COL5A2: variants seen among roughly 807,000 people sequenced by gnomAD.
COL5A2 encodes the protein collagen alpha-2(V) chain.
COL5A2 carries 23 observed loss-of-function variants against 208.2 expected under a neutral mutation model. That is an observed-to-expected ratio of 0.11 (90% CI 0.08 to 0.16). COL5A2 has a LOEUF of 0.16. Ranked by LOEUF, COL5A2 falls within the 10% of genes least tolerant of loss-of-function variation. The pLI is 1.00. For missense variants in COL5A2, 1,590 were observed against 1,956.4 expected (o/e 0.81, Z 3.53); for synonymous variants, 625 against 628.5 (o/e 0.99, Z 0.08).
At chr2:189,296,287 T>C in the COL5A2 span, among the ~76,000 whole-genome samples, 1 of 152,156 alleles carries the variant, frequency 6.6e-6, no homozygotes, top group African/African-American at 2.4e-5. Flanking sequence ...TGGTTTTTTG[T>C]TTGTTTTTTT....
chr2:189,163,072 T>C (rs1244731009), intron 1 of COL5A2, among the ~76,000 whole-genome samples: 1 of 152,094 alleles, frequency 6.6e-6, no homozygotes, highest in Non-Finnish European at 1.5e-5. Flanking sequence ...AGAACAAATA[T>C]GATCTACTCC....
chr2:189,333,038 C>T, the COL5A2 span, among the ~76,000 whole-genome samples: 1 of 152,112 alleles, frequency 6.6e-6, no homozygotes, highest in Non-Finnish European at 1.5e-5. Flanking sequence ...TACAACACAT[C>T]AGTGTTTTAC....
chr2:189,296,233 T>G, the COL5A2 span, among the ~76,000 whole-genome samples: 1 of 152,166 alleles, frequency 6.6e-6, no homozygotes, highest in Non-Finnish European at 1.5e-5. Context: ...TGAAAAAAAT[T>G]TTTAAGTTTT....
intron 1 of COL5A2, among the ~76,000 whole-genome samples, chr2:189,133,626 T>A (rs1687769474): frequency 6.6e-6 from 1 of 152,054 alleles, no homozygotes; most frequent in Non-Finnish European, 1.5e-5. Flanking sequence ...CGGAATGAAC[T>A]AAGAGCGTCA....
chr2:189,293,396 C>T, the COL5A2 span, among the ~76,000 whole-genome samples: 1 of 152,096 alleles, frequency 6.6e-6, no homozygotes, highest in Non-Finnish European at 1.5e-5. Flanking sequence ...TTAACTTTTC[C>T]CTCAGCTAGG....
At chr2:189,156,381 C>CTA (rs1457543182) in intron 1 of COL5A2, among the ~76,000 whole-genome samples, 1 of 152,020 alleles carries the variant, frequency 6.6e-6, no homozygotes, top group Non-Finnish European at 1.5e-5. Flanking sequence ...TTGATATATA[C>CTA]TGACAACTGC....
the COL5A2 span, among the ~76,000 whole-genome samples, chr2:189,349,555 T>C: frequency 6.6e-6 from 1 of 152,148 alleles, no homozygotes; most frequent in African/African-American, 2.4e-5. Flanking sequence ...ATGGTGATGG[T>C]TTATAAGTAA....
At chr2:189,241,084 C>A in the COL5A2 span, among the ~76,000 whole-genome samples, 3 of 152,092 alleles carry the variant, frequency 2.0e-5, no homozygotes, top group African/African-American at 7.2e-5. Flanking sequence ...CATCTTCAAT[C>A]TTCTATAATG....
chr2:189,351,238 C>T, the COL5A2 span, among the ~76,000 whole-genome samples: 11 of 152,214 alleles, frequency 7.2e-5, no homozygotes, highest in Non-Finnish European at 1.0e-4. Context: ...CTATACAAAT[C>T]ATCAACTCAC....
At chr2:189,107,002 A>T (rs186635013) in intron 2 of COL5A2, among the ~76,000 whole-genome samples, 89 of 151,620 alleles carry the variant, frequency 5.9e-4, no homozygotes, top group African/African-American at 2.1e-3. Context: ...TGTAAAAAAA[A>T]TTTATGAGAT....
At chr2:189,098,041 C>G (rs1440430542) in intron 5 of COL5A2, among the ~76,000 whole-genome samples, 3 of 152,028 alleles carry the variant, frequency 2.0e-5, no homozygotes, top group South Asian at 2.1e-4. Flanking sequence ...TTTTTCCCCC[C>G]CTGGGAAATG....
At chr2:189,164,430 T>C (rs1293779958) in intron 1 of COL5A2, among the ~76,000 whole-genome samples, 1 of 152,076 alleles carries the variant, frequency 6.6e-6, no homozygotes, top group East Asian at 1.9e-4. Context: ...TAATTCCTAT[T>C]CTGGGGCTTT....
intron 1 of COL5A2, among the ~76,000 whole-genome samples, chr2:189,208,683 A>T (rs1689172302): frequency 6.6e-6 from 1 of 152,212 alleles, no homozygotes; most frequent in Non-Finnish European, 1.5e-5. Context: ...AGGCAATGAG[A>T]AGCCACTGGA....
At chr2:189,386,570 C>G in the COL5A2 span, among the ~76,000 whole-genome samples, 1 of 152,034 alleles carries the variant, frequency 6.6e-6, no homozygotes, top group Admixed American at 6.6e-5. Flanking sequence ...AAAATATTTG[C>G]AAACTGTAAG....
chr2:189,055,611 T>C (rs1685886196), intron 35 of COL5A2, among the ~76,000 whole-genome samples: 1 of 152,216 alleles, frequency 6.6e-6, no homozygotes. Flanking sequence ...AAGGATTTGA[T>C]GAAATATAAA....
At chr2:189,166,093 G>A (rs1206780080) in intron 1 of COL5A2, among the ~76,000 whole-genome samples, 1 of 152,062 alleles carries the variant, frequency 6.6e-6, no homozygotes, top group Non-Finnish European at 1.5e-5. Flanking sequence ...ACATCACTTA[G>A]ATATGGTCAT....
the COL5A2 span, among the ~76,000 whole-genome samples, chr2:189,328,637 C>A: frequency 6.6e-6 from 1 of 152,182 alleles, no homozygotes; most frequent in Admixed American, 6.5e-5. Flanking sequence ...GTAGCAGCTG[C>A]CAAAACATCT....
chr2:189,290,691 T>C, the COL5A2 span, among the ~76,000 whole-genome samples: 3 of 144,822 alleles, frequency 2.1e-5, no homozygotes, highest in East Asian at 2.0e-4. Context: ...AGAAGTAAGA[T>C]AGAAATATTG....
intron 52 of COL5A2, among the ~76,000 whole-genome samples, 180 bp from the exon 53 acceptor site, chr2:189,035,335 T>A (rs563665858): frequency 1.3e-5 from 2 of 152,124 alleles, no homozygotes; most frequent in Non-Finnish European, 2.9e-5. Context: ...AAAATGTCTA[T>A]GAATACTCAA....
Sources: gnomAD v4.1 joint callset for allele counts (sites outside exome capture counted in the v4.1 genomes callset) on GRCh38, gnomAD v4.1.1 for gene constraint, MANE v1.5 for transcripts, NCBI Gene and HGNC (gene_info 2026-07-23, HGNC 2026-07-21) for gene names.